HDAC9: variants seen among roughly 807,000 people sequenced by gnomAD.
The protein encoded by HDAC9 is histone deacetylase 9.
Under a neutral mutation model 139.4 loss-of-function variants are expected in HDAC9, and 41 were observed. That is an observed-to-expected ratio of 0.29 (90% CI 0.23 to 0.38). HDAC9 has a LOEUF of 0.38. HDAC9 is among the 10% of genes least tolerant of loss of function. The pLI is 1.00. For synonymous variants in HDAC9, 517 were observed against 476.2 expected (o/e 1.09, Z -1.12); for missense variants, 1,147 against 1,297.0 (o/e 0.88, Z 1.78).
intron 22 of HDAC9, among the ~76,000 whole-genome samples, chr7:18,914,486 T>C (rs898564527): frequency 3.9e-5 from 6 of 151,950 alleles, no homozygotes; most frequent in African/African-American, 1.2e-4. Context: ...ATAGCAAATA[T>C]AGTAAAATAA....
intron 1 of HDAC9, among the ~76,000 whole-genome samples, chr7:18,397,481 C>G (rs557887097): frequency 1.3e-5 from 2 of 152,170 alleles, no homozygotes; most frequent in African/African-American, 4.8e-5. Flanking sequence ...GGAGATGGAT[C>G]GTACACTTTA....
chr7:18,529,377 T>C (rs1161729144), intron 2 of HDAC9, among the ~76,000 whole-genome samples: 1 of 152,056 alleles, frequency 6.6e-6, no homozygotes, highest in Non-Finnish European at 1.5e-5. Flanking sequence ...CCAATAAAAA[T>C]GGGGAGGTAT....
intron 17 of HDAC9, among the ~76,000 whole-genome samples, chr7:18,819,172 C>A (rs1794783946): frequency 6.6e-6 from 1 of 152,162 alleles, no homozygotes; most frequent in Non-Finnish European, 1.5e-5. Context: ...CCCAGCTACT[C>A]AGGTGGCTGA....
chr7:18,126,222 T>C (rs1228352623), intron 1 of HDAC9, among the ~76,000 whole-genome samples: 2 of 152,220 alleles, frequency 1.3e-5, no homozygotes, highest in Non-Finnish European at 2.9e-5. Flanking sequence ...AGCATTCTTA[T>C]AGCCAATTTA....
intron 2 of HDAC9, among the ~76,000 whole-genome samples, chr7:18,221,841 CA>C (rs1284816099): frequency 3.3e-5 from 5 of 152,088 alleles, no homozygotes; most frequent in African/African-American, 1.2e-4. Context: ...AAGTGAAATT[CA>C]CTAAATTGGG....
intron 2 of HDAC9, among the ~76,000 whole-genome samples, chr7:18,557,612 C>G (rs552733642): frequency 3.2e-4 from 48 of 149,680 alleles, no homozygotes; most frequent in Non-Finnish European, 6.1e-4. Flanking sequence ...AATTTTTGAC[C>G]TTTTTTTCTC....
At chr7:18,461,052 G>A (rs774101492) in intron 1 of HDAC9, among the ~76,000 whole-genome samples, 8 of 152,060 alleles carry the variant, frequency 5.3e-5, no homozygotes, top group Non-Finnish European at 1.0e-4. Flanking sequence ...CCTATTAACC[G>A]TGGAAAAGAA....
chr7:18,277,962 C>A (rs1391180264), intron 2 of HDAC9, among the ~76,000 whole-genome samples: 1 of 152,152 alleles, frequency 6.6e-6, no homozygotes, highest in Non-Finnish European at 1.5e-5. Context: ...TACCGTTAGT[C>A]CTTTACCATG....
intron 22 of HDAC9, among the ~76,000 whole-genome samples, chr7:18,935,100 T>G (rs10248565): frequency 0.14 from 21,136 of 152,090 alleles, 1,744 homozygotes; most frequent in African/African-American, 0.22. Context: ...AGCAATGGAA[T>G]TATAAACTCA....
At chr7:18,950,102 C>T (rs1231826806) in intron 23 of HDAC9, among the ~76,000 whole-genome samples, 1 of 150,232 alleles carries the variant, frequency 6.7e-6, no homozygotes, top group East Asian at 1.9e-4. Context: ...CAGTTCTCCT[C>T]AAATTGGATT....
At chr7:18,795,801 CA>C (rs1339246569) in intron 17 of HDAC9, among the ~76,000 whole-genome samples, 1 of 152,156 alleles carries the variant, frequency 6.6e-6, no homozygotes, top group Non-Finnish European at 1.5e-5. Context: ...CGCTATTCAA[CA>C]ACCACAAAAA....
At chr7:18,206,502 A>T (rs577891418) in intron 2 of HDAC9, among the ~76,000 whole-genome samples, 17 of 152,190 alleles carry the variant, frequency 1.1e-4, no homozygotes, top group Admixed American at 2.0e-4. Flanking sequence ...TCTTTTGTGT[A>T]ATTCTTTGTA....
Position 18,935,564 on chromosome 7 carries a change from G to C in HDAC9, c.2804-245G>C, listed in dbSNP as rs546042141. Among the ~76,000 whole-genome samples the C allele has an allele frequency of 2.0e-4, 31 of 152,254 alleles. 1 individual carries two copies. In the South Asian group the frequency reaches 5.8e-3, roughly 28 times the overall value. Reference sequence around the variant, plus strand: ...AAGCAGCCCTGTGCACTGGTGAAGAGCTAGATTGGTGCCAGTCTTGGTTGT... The same window carrying C: ...AAGCAGCCCTGTGCACTGGTGAAGACCTAGATTGGTGCCAGTCTTGGTTGT... On this transcript the variant is annotated intron_variant, in intron 22 of 25. Coordinates refer to ENST00000686413, the MANE Select transcript of HDAC9 (RefSeq NM_178425.4).
rs958147661 is a variant in HDAC9 at position 18,096,317 on chromosome 7, A to G, written c.-97+9104A>G. Among the ~76,000 whole-genome samples the G allele has an allele frequency of 2.0e-5, 3 of 152,160 alleles. No individual in the cohort carries two copies. The East Asian group carries it at 5.8e-4, about 29-fold the overall frequency. The stretch of plus-strand genomic sequence containing the variant: ...TCATCCTCACCTTTTCTCTAAACAG[A>G]CTTTATTTGTTTAGCAACCTTTCTA... On this transcript the variant is annotated intron_variant, in intron 1 of 12. Coordinates refer to the HDAC9 transcript ENST00000417496.
At chr7:18,149,124 A>G (rs1048153967) in intron 1 of HDAC9, among the ~76,000 whole-genome samples, 17 of 152,116 alleles carry the variant, frequency 1.1e-4, no homozygotes, top group South Asian at 6.2e-4. Flanking sequence ...ATGTTACCCA[A>G]TTGGATGGAT....
intron 1 of HDAC9, among the ~76,000 whole-genome samples, chr7:18,151,556 G>A (rs1430720887): frequency 2.6e-5 from 4 of 152,170 alleles, no homozygotes; most frequent in Non-Finnish European, 4.4e-5. Context: ...CTTTCACATG[G>A]TTCTTCGAAG....
At chr7:18,168,884 T>TG (rs1214022878) in intron 2 of HDAC9, among the ~76,000 whole-genome samples, 34 of 106,662 alleles carry the variant, frequency 3.2e-4, no homozygotes, top group Middle Eastern at 8.9e-3. Context: ...GTCTTGTTTT[T>TG]TTTTTTTTTT....
chr7:18,289,396 G>T (rs1797664864), upstream of HDAC9, among the ~76,000 whole-genome samples: 1 of 152,030 alleles, frequency 6.6e-6, no homozygotes, highest in Admixed American at 6.6e-5. Context: ...TACTAAGAAG[G>T]GTATCAATGA....
intron 2 of HDAC9, among the ~76,000 whole-genome samples, chr7:18,272,946 ACTACTACTACTACTAC>A (rs1308456315): frequency 6.7e-6 from 1 of 148,918 alleles, no homozygotes; most frequent in Non-Finnish European, 1.5e-5. Context: ...TACTACTACT[ACTACTACTACTACTAC>A]TACTATTTCT....
Sources: gnomAD v4.1 joint callset for allele counts (sites outside exome capture counted in the v4.1 genomes callset) on GRCh38, gnomAD v4.1.1 for gene constraint, MANE v1.5 for transcripts, NCBI Gene and HGNC (gene_info 2026-07-23, HGNC 2026-07-21) for gene names.